The following DZIP3 variants were observed in gnomAD, a reference collection of about 807,000 sequenced individuals.
The protein encoded by DZIP3 is E3 ubiquitin-protein ligase DZIP3.
A neutral mutation model predicts 162.0 loss-of-function variants in DZIP3; 118 were observed. The observed-to-expected ratio is 0.73, with a 90% confidence interval of 0.63 to 0.85. The LOEUF is 0.85. Ranked by LOEUF, DZIP3 falls within the 40% of genes least tolerant of loss-of-function variation. The pLI is 0.00. For synonymous variants in DZIP3, 438 were observed against 458.6 expected, an observed-to-expected ratio of 0.96 and a Z score of 0.57; for missense variants, 1,331 against 1,407.0, an observed-to-expected ratio of 0.95 and a Z score of 0.86.
At position 108,614,713 on chromosome 3, in the gene DZIP3, C is replaced by T. The variant is rs1940908497; in HGVS notation, c.259-1828C>T. On this transcript the variant is annotated intron_variant, in intron 4 of 32. Coordinates refer to ENST00000361582, the MANE Select transcript of DZIP3 (RefSeq NM_014648.4). ...TATTCCCCCATCACCCCAGAAAGCA[C>T]TCAATCAGTAGGTCTTGGGAGTTAT... is the stretch of plus-strand genomic sequence containing the variant. Among the ~76,000 whole-genome samples the T allele has an allele frequency of 2.0e-5, 3 of 152,252 alleles. No homozygotes were observed. The South Asian group carries it at 6.2e-4, about 32-fold the overall frequency.
chr3:108,594,181 C>CAA (rs2107421581), intron 1 of DZIP3, among the ~76,000 whole-genome samples: 1 of 151,792 alleles, frequency 6.6e-6, no homozygotes, highest in African/African-American at 2.4e-5. Context: ...TTGGGCTTTC[C>CAA]AAGGGTTTGT....
chr3:108,612,238 G>C (rs1316756993), intron 4 of DZIP3, among the ~76,000 whole-genome samples: 1 of 152,008 alleles, frequency 6.6e-6, no homozygotes, highest in East Asian at 1.9e-4. Context: ...TCTTGAGAAG[G>C]CTACATTTGT....
rs188800509 is a variant in DZIP3 at position 108,608,027 on chromosome 3, A to C, written c.33-62A>C. 3.8e-6 allele frequency: 5 copies of C among 1,325,892 alleles called. No individual in the cohort carries two copies. The East Asian group carries it at 1.2e-4, about 31-fold the overall frequency. The allele number at this position is 1,325,892 out of a possible 1,614,324, so 82.1% of individuals were successfully genotyped here. ...TAATTCAATTGTTAGATTCTTTACT[A>C]CTACAATTTGTGTTCTTTGTGAGAA... is the stretch of plus-strand genomic sequence containing the variant. On this transcript the variant is annotated intron_variant, in intron 2 of 32. Coordinates refer to ENST00000361582, the MANE Select transcript of DZIP3 (RefSeq NM_014648.4).
At chr3:108,614,932 G>A (rs1057429442) in intron 4 of DZIP3, among the ~76,000 whole-genome samples, 4 of 151,974 alleles carry the variant, frequency 2.6e-5, no homozygotes, top group African/African-American at 9.7e-5. Flanking sequence ...CATTGTCTCT[G>A]TACCTCCCAA....
At chr3:108,672,421 T>C (rs1165676311) in intron 22 of DZIP3, 139 bp from the exon 23 acceptor site, 14 of 680,280 alleles carry the variant, frequency 2.1e-5, no homozygotes, top group Non-Finnish European at 3.6e-5. Flanking sequence ...ATGTATCTTC[T>C]CTTGTTTCTA....
At position 108,694,102 on chromosome 3, in the gene DZIP3, T is replaced by C. The variant is rs1385095155; in HGVS notation, c.*749T>C. ...CTCCATTTAAATTTATGGGGAAGAA[T>C]AAATGTTTCCTGACTCAGAAACAAT... is the stretch of plus-strand genomic sequence containing the variant. On this transcript the variant is annotated 3_prime_UTR_variant, in exon 33 of 33. Transcript: ENST00000361582. 2 of 152,182 alleles carry C rather than the reference T, an allele frequency of 1.3e-5. No homozygotes were observed. Among genetic ancestry groups the C allele is most frequent in the Non-Finnish European group, 2.9e-5 (2 of 68,028 alleles). 9.4% of individuals were successfully genotyped at this position (152,182 alleles called of 1,614,324 possible).
chr3:108,594,878 A>C (rs555258413), intron 1 of DZIP3, among the ~76,000 whole-genome samples: 1 of 152,158 alleles, frequency 6.6e-6, no homozygotes, highest in African/African-American at 2.4e-5. Context: ...TCTTCACAGC[A>C]GAAAGTAAAG....
chr3:108,679,358 T>C (rs774388720), intron 26 of DZIP3, among the ~76,000 whole-genome samples: 8 of 152,086 alleles, frequency 5.3e-5, no homozygotes, highest in Non-Finnish European at 7.4e-5. Flanking sequence ...TTTATCCCTT[T>C]GGAGACTTTC....
At chr3:108,675,089 G>A (rs1247332239) in intron 24 of DZIP3, among the ~76,000 whole-genome samples, 1 of 151,892 alleles carries the variant, frequency 6.6e-6, no homozygotes, top group African/African-American at 2.4e-5. Flanking sequence ...TAAAATTGTT[G>A]GGCTGGGTGA....
chr3:108,609,997 C>A (rs1214777084), intron 3 of DZIP3, among the ~76,000 whole-genome samples: 4 of 152,040 alleles, frequency 2.6e-5, no homozygotes, highest in African/African-American at 9.7e-5. Flanking sequence ...ATTGGTCATT[C>A]TTTATAAGGG....
intron 18 of DZIP3, among the ~76,000 whole-genome samples, chr3:108,652,422 C>T (rs971628430): frequency 6.6e-6 from 1 of 151,798 alleles, no homozygotes; most frequent in Non-Finnish European, 1.5e-5. Context: ...CCTATATTAT[C>T]TCAATGCTGT....
At chr3:108,678,416 G>C (rs1228977632) in intron 26 of DZIP3, among the ~76,000 whole-genome samples, 1 of 151,942 alleles carries the variant, frequency 6.6e-6, no homozygotes, top group Non-Finnish European at 1.5e-5. Context: ...CGAAAAGATT[G>C]GGGACCGCTG....
intron 26 of DZIP3, among the ~76,000 whole-genome samples, chr3:108,679,733 T>A (rs189744942): frequency 1.2e-3 from 182 of 152,216 alleles, no homozygotes; most frequent in African/African-American, 4.2e-3. Context: ...CTTCTGGACT[T>A]TTGATTTCCC....
intron 1 of DZIP3, chr3:108,590,072 G>GTGT (rs1259498327): frequency 2.0e-5 from 3 of 152,146 alleles, no homozygotes; most frequent in African/African-American, 7.2e-5. Context: ...GCTCCGGAGG[G>GTGT]TGTTACTCGT....
Position 108,637,476 on chromosome 3 carries a change from T to G in DZIP3, c.1012-20T>G. On this transcript the variant is annotated intron_variant, in intron 11 of 32. Coordinates refer to ENST00000361582, the MANE Select transcript of DZIP3 (RefSeq NM_014648.4). The stretch of plus-strand genomic sequence containing the variant: ...AAATTGAACTACTTTAGGGCTATTT[T>G]TTTTCCCCATTACTTGCAGTTTGAA... 1 of 1,608,564 alleles carries G rather than the reference T, an allele frequency of 6.2e-7. No homozygotes were observed. The highest frequency in any genetic ancestry group is 8.5e-7 in the Non-Finnish European group (1 of 1,177,820).
intron 5 of DZIP3, among the ~76,000 whole-genome samples, chr3:108,618,934 GCCTGTAATC>G (rs1228486357): frequency 2.6e-5 from 4 of 151,480 alleles, no homozygotes. Flanking sequence ...GGTGGCATGC[GCCTGTAATC>G]CCAACTACTC....
chr3:108,654,580 C>T (rs1170817811), intron 19 of DZIP3, among the ~76,000 whole-genome samples: 1 of 151,830 alleles, frequency 6.6e-6, no homozygotes, highest in Non-Finnish European at 1.5e-5. Flanking sequence ...GCATTTCTTG[C>T]AAACGTTTTT....
intron 14 of DZIP3, among the ~76,000 whole-genome samples, chr3:108,646,095 A>C (rs1424524232): frequency 6.6e-6 from 1 of 152,172 alleles, no homozygotes; most frequent in East Asian, 1.9e-4. Flanking sequence ...GATATCTGAT[A>C]ATTTGATTAA....
At chr3:108,622,963 C>T (rs970943973) in intron 5 of DZIP3, among the ~76,000 whole-genome samples, 3 of 150,966 alleles carry the variant, frequency 2.0e-5, no homozygotes, top group African/African-American at 7.3e-5. Context: ...CACTGAGACT[C>T]CTCTAGTTCA....
Sources: gnomAD v4.1 joint callset for allele counts (sites outside exome capture counted in the v4.1 genomes callset) on GRCh38, gnomAD v4.1.1 for gene constraint, MANE v1.5 for transcripts, NCBI Gene and HGNC (gene_info 2026-07-23, HGNC 2026-07-21) for gene names.